Variants in XNDC1N observed in about 807,000 individuals in gnomAD.
XNDC1N encodes protein XNDC1N.
At chr11:71,897,911 G>A in the XNDC1N span, among the ~76,000 whole-genome samples, 7 of 152,328 alleles carry the variant, frequency 4.6e-5, no homozygotes, top group East Asian at 1.2e-3. Flanking sequence ...TGGCCGGTGC[G>A]GTGGCTCACG....
chr11:71,900,957 A>G, the XNDC1N span, among the ~76,000 whole-genome samples: 1 of 152,142 alleles, frequency 6.6e-6, no homozygotes, highest in South Asian at 2.1e-4. Context: ...CCCTGCAACC[A>G]ACCTGCCCTC....
the XNDC1N span, among the ~76,000 whole-genome samples, chr11:71,909,184 T>C: frequency 7.9e-5 from 12 of 152,166 alleles, no homozygotes; most frequent in African/African-American, 2.9e-4. Flanking sequence ...CTTGCAGGGA[T>C]GAATCCATCC....
the XNDC1N span, among the ~76,000 whole-genome samples, chr11:71,867,475 AC>A: frequency 0.016 from 2,505 of 152,180 alleles, 65 homozygotes; most frequent in African/African-American, 0.057. Flanking sequence ...ACACAGAAAC[AC>A]CGCCATCTGC....
At chr11:71,916,288 T>TG in the XNDC1N span, 12 of 700,364 alleles carry the variant, frequency 1.7e-5, no homozygotes, top group Admixed American at 8.0e-5. Context: ...CAGGGGGGAA[T>TG]GGAAATGCAT....
the XNDC1N span, among the ~76,000 whole-genome samples, chr11:71,906,438 C>T: frequency 2.9e-4 from 44 of 152,114 alleles, 1 homozygote; most frequent in African/African-American, 9.9e-4. Flanking sequence ...AGGGAGAACA[C>T]GCTGTGTGAC....
the XNDC1N span, among the ~76,000 whole-genome samples, chr11:71,912,672 G>C: frequency 6.6e-6 from 1 of 152,128 alleles, no homozygotes; most frequent in East Asian, 1.9e-4. Context: ...CAATATCGTA[G>C]GCGTGGGGGA....
chr11:71,908,981 C>A, the XNDC1N span, among the ~76,000 whole-genome samples: 1 of 152,150 alleles, frequency 6.6e-6, no homozygotes, highest in African/African-American at 2.4e-5. Context: ...AGGCCACAAA[C>A]GTTAACAAGC....
At chr11:71,909,649 G>A in the XNDC1N span, among the ~76,000 whole-genome samples, 149 of 152,278 alleles carry the variant, frequency 9.8e-4, no homozygotes, top group African/African-American at 3.1e-3. Flanking sequence ...ACTAGTAACC[G>A]CCCTTGTTGC....
the XNDC1N span, among the ~76,000 whole-genome samples, chr11:71,915,479 C>T: frequency 6.6e-6 from 1 of 151,496 alleles, no homozygotes; most frequent in African/African-American, 2.4e-5. Flanking sequence ...AAGATTACGA[C>T]TCACTGAAGG....
chr11:71,924,615 T>C, the XNDC1N span, among the ~76,000 whole-genome samples: 5 of 151,974 alleles, frequency 3.3e-5, no homozygotes, highest in African/African-American at 1.2e-4. Context: ...GAGGTGGAGC[T>C]TGCAGTGAGC....
At chr11:71,910,470 G>A in the XNDC1N span, among the ~76,000 whole-genome samples, 4 of 152,120 alleles carry the variant, frequency 2.6e-5, no homozygotes, top group Admixed American at 6.5e-5. Context: ...CACCATCTTC[G>A]GGGAGGCGTG....
the XNDC1N span, among the ~76,000 whole-genome samples, chr11:71,915,201 C>T: frequency 6.6e-6 from 1 of 152,092 alleles, no homozygotes; most frequent in Non-Finnish European, 1.5e-5. Flanking sequence ...GTAATCCCAG[C>T]ACTTTGGGAG....
chr11:71,903,630 G>A, the XNDC1N span: 8 of 508,526 alleles, frequency 1.6e-5, no homozygotes, highest in South Asian at 1.1e-4. Context: ...TCCTAGATTT[G>A]TTGTCCTTGT....
chr11:71,902,073 T>C, the XNDC1N span, among the ~76,000 whole-genome samples: 5 of 152,142 alleles, frequency 3.3e-5, no homozygotes, highest in African/African-American at 9.7e-5. Context: ...CCAGAGCCTA[T>C]ATCGTGCTTG....
the XNDC1N span, among the ~76,000 whole-genome samples, chr11:71,901,164 C>T: frequency 6.6e-6 from 1 of 152,150 alleles, no homozygotes; most frequent in South Asian, 2.1e-4. Context: ...TGCCCCTGTT[C>T]CTGGCTTTCT....
At chr11:71,893,947 A>G in the XNDC1N span, 2 of 1,096,876 alleles carry the variant, frequency 1.8e-6, no homozygotes, top group Non-Finnish European at 2.5e-6. Flanking sequence ...CCAGCTGCAC[A>G]GTTGGATTGT....
chr11:71,880,882 T>C, the XNDC1N span, among the ~76,000 whole-genome samples: 1 of 152,228 alleles, frequency 6.6e-6, no homozygotes, highest in Non-Finnish European at 1.5e-5. Context: ...ATATACTTGA[T>C]ATAATGTTGA....
the XNDC1N span, among the ~76,000 whole-genome samples, chr11:71,895,227 A>G: frequency 2.0e-5 from 3 of 152,260 alleles, no homozygotes; most frequent in East Asian, 5.8e-4. Context: ...ATTTCTTCAA[A>G]TATTATCTTC....
the XNDC1N span, among the ~76,000 whole-genome samples, chr11:71,910,314 T>C: frequency 1.3e-5 from 2 of 152,204 alleles, no homozygotes; most frequent in Non-Finnish European, 2.9e-5. Context: ...CTGGTTCACC[T>C]GCTTGGACCT....
Sources: allele counts gnomAD v4.1 joint callset (sites outside exome capture counted in the v4.1 genomes callset), GRCh38; gene constraint gnomAD v4.1.1; transcripts MANE v1.5; gene names NCBI Gene and HGNC (gene_info 2026-07-23, HGNC 2026-07-21).